PDE4D: variants seen among roughly 807,000 people sequenced by gnomAD.
The protein encoded by PDE4D is 3',5'-cyclic-AMP phosphodiesterase 4D.
In PDE4D, 24 loss-of-function variants were observed where a neutral mutation model predicts 87.4. The observed-to-expected ratio is 0.27, with a 90% CI of 0.20 to 0.39. The LOEUF is 0.39. PDE4D is among the 10% of genes least tolerant of loss of function. PDE4D has a pLI of 1.00. For synonymous variants in PDE4D, 384 were observed against 383.2 expected (o/e 1.00, Z -0.02); for missense variants, 714 against 1,041.0 (o/e 0.69, Z 4.32).
chr5:59,741,949 T>C (rs1758900832), intron 1 of PDE4D, among the ~76,000 whole-genome samples: 1 of 152,204 alleles, frequency 6.6e-6, no homozygotes, highest in East Asian at 1.9e-4. Flanking sequence ...CTACCTTCTC[T>C]GGAGCAAACA....
rs191590379 is a variant in PDE4D, at chr5:60,441,868, C to T, written c.-90+46074G>A. Among the ~76,000 whole-genome samples the T allele has an allele frequency of 1.3e-3, 203 of 151,788 alleles. 4 individuals are homozygous for T. Among genetic ancestry groups the T allele is most frequent in the African/African-American group, 4.3e-3 (179 of 41,458 alleles). On this transcript the variant is annotated intron_variant, in intron 1 of 16. Transcript: ENST00000502484. ...TCATCATCACTGGTCATTAGAGAAA[C>T]GCAAATCAAAACCACAATGAGATAC... is the stretch of plus-strand genomic sequence containing the variant.
chr5:59,108,433 A>C (rs1771990719), intron 5 of PDE4D, among the ~76,000 whole-genome samples: 1 of 152,152 alleles, frequency 6.6e-6, no homozygotes, highest in Admixed American at 6.5e-5. Flanking sequence ...TAGATGGATT[A>C]GTGTACATGT....
chr5:60,075,936 C>T (rs547094927), intron 2 of PDE4D, among the ~76,000 whole-genome samples: 3 of 152,170 alleles, frequency 2.0e-5, no homozygotes, highest in African/African-American at 7.2e-5. Context: ...TCCTAGCTTC[C>T]TCAGATTGGT....
chr5:59,551,493 A>ACACACG (rs1365991523), intron 1 of PDE4D, among the ~76,000 whole-genome samples: 1 of 151,604 alleles, frequency 6.6e-6, no homozygotes, highest in Non-Finnish European at 1.5e-5. Flanking sequence ...ACACACACAC[A>ACACACG]CAAATACATA....
intron 5 of PDE4D, among the ~76,000 whole-genome samples, chr5:59,167,058 A>G (rs1270088008): frequency 2.0e-5 from 3 of 152,244 alleles, no homozygotes. Context: ...TATGTCCCAG[A>G]CACCGTGCTA....
At chr5:59,718,931 G>A (rs982186509) in intron 1 of PDE4D, among the ~76,000 whole-genome samples, 1 of 151,472 alleles carries the variant, frequency 6.6e-6, no homozygotes, top group Admixed American at 6.6e-5. Context: ...AGATCCTTTT[G>A]AAAGGAGTTT....
intron 3 of PDE4D, among the ~76,000 whole-genome samples, chr5:59,187,653 T>C (rs1743224299): frequency 6.6e-6 from 1 of 152,240 alleles, no homozygotes; most frequent in Non-Finnish European, 1.5e-5. Context: ...CCACTAGCAA[T>C]CAACTTTTAG....
chr5:60,105,357 C>T (rs984605186), intron 2 of PDE4D, among the ~76,000 whole-genome samples: 7 of 152,070 alleles, frequency 4.6e-5, no homozygotes, highest in Non-Finnish European at 1.0e-4. Flanking sequence ...AAATATGGGA[C>T]TATGTGAAAA....
intron 1 of PDE4D, among the ~76,000 whole-genome samples, chr5:60,320,612 C>T (rs1368645892): frequency 6.6e-6 from 1 of 152,130 alleles, no homozygotes; most frequent in Non-Finnish European, 1.5e-5. Flanking sequence ...TCCTATTCAG[C>T]CATCTTGGCT....
At chr5:60,355,898 G>A (rs183304879) in intron 1 of PDE4D, among the ~76,000 whole-genome samples, 8 of 152,258 alleles carry the variant, frequency 5.3e-5, no homozygotes, top group African/African-American at 1.9e-4. Context: ...TGTCTCAGGG[G>A]TAGCAGAGCC....
chr5:59,881,857 C>G (rs1425894724), intron 1 of PDE4D, among the ~76,000 whole-genome samples: 1 of 152,122 alleles, frequency 6.6e-6, no homozygotes, highest in Non-Finnish European at 1.5e-5. Flanking sequence ...TTTGGGAGAT[C>G]TGAAAATACT....
At chr5:59,114,696 G>A (rs991154574) in intron 5 of PDE4D, among the ~76,000 whole-genome samples, 1 of 152,064 alleles carries the variant, frequency 6.6e-6, no homozygotes, top group Non-Finnish European at 1.5e-5. Flanking sequence ...AAGAGTGTAC[G>A]ACCTCATGCA....
At chr5:59,007,054 A>C (rs1358080396) in intron 6 of PDE4D, among the ~76,000 whole-genome samples, 1 of 152,198 alleles carries the variant, frequency 6.6e-6, no homozygotes, top group Non-Finnish European at 1.5e-5. Context: ...TAGAGCCTAC[A>C]TAATAGATCC....
At chr5:59,651,258 CAATAATAATAATAATAATAATAAT>C (rs59177482) in intron 1 of PDE4D, among the ~76,000 whole-genome samples, 1,904 of 142,238 alleles carry the variant, frequency 0.013, 58 homozygotes, top group African/African-American at 0.047. Flanking sequence ...TCTGTCTCAA[CAATAATAATAATAATAATAATAAT>C]AATAATAATA....
chr5:59,584,243 C>T (rs1346043237), intron 1 of PDE4D, among the ~76,000 whole-genome samples: 9 of 152,134 alleles, frequency 5.9e-5, no homozygotes. Flanking sequence ...AAGAGGAAAA[C>T]AACAACCATT....
At chr5:60,131,201 C>A (rs952625254) in intron 2 of PDE4D, among the ~76,000 whole-genome samples, 6 of 151,928 alleles carry the variant, frequency 3.9e-5, no homozygotes, top group African/African-American at 1.5e-4. Flanking sequence ...CTTTGTTTTG[C>A]TTTGTTTTCG....
chr5:59,495,051 T>C (rs1009243614), intron 1 of PDE4D, among the ~76,000 whole-genome samples: 1 of 152,234 alleles, frequency 6.6e-6, no homozygotes, highest in Non-Finnish European at 1.5e-5. Flanking sequence ...CAGTTTGGCC[T>C]TGACTTCCCC....
In PDE4D at chr5:60,240,245, G is replaced by C. The variant is rs569979266; in HGVS notation, c.-89-54558C>G. Among the ~76,000 whole-genome samples, 6 of 152,164 alleles carry C rather than the reference G, an allele frequency of 3.9e-5. No homozygotes were observed. In the South Asian group the frequency reaches 8.3e-4, roughly 21 times the overall value. On this transcript the variant is annotated intron_variant, in intron 1 of 16. Transcript: ENST00000502484. ...CCTTTGGGAGCAAGATGGTGGAATAGAAGGCCCCACTGATTGTCCCCCCAC... is the reference window on the plus strand; with the variant it reads ...CCTTTGGGAGCAAGATGGTGGAATACAAGGCCCCACTGATTGTCCCCCCAC...
chr5:59,392,436 T>C (rs1460176188), intron 1 of PDE4D, among the ~76,000 whole-genome samples: 1 of 151,650 alleles, frequency 6.6e-6, no homozygotes, highest in Non-Finnish European at 1.5e-5. Flanking sequence ...AGATGGCCTA[T>C]TGTGGAACGT....
Sources: allele counts gnomAD v4.1 joint callset (sites outside exome capture counted in the v4.1 genomes callset), GRCh38; gene constraint gnomAD v4.1.1; transcripts MANE v1.5; gene names NCBI Gene and HGNC (gene_info 2026-07-23, HGNC 2026-07-21).